Variants in PCDHGA9 observed in about 807,000 individuals in gnomAD.
PCDHGA9 encodes protocadherin gamma-A9.
In PCDHGA9, 37 loss-of-function variants were observed where a neutral mutation model predicts 62.5. That is an observed-to-expected ratio of 0.59 (90% CI 0.46 to 0.78). The LOEUF (loss-of-function observed/expected upper bound fraction) is 0.78, where lower values mean the gene tolerates loss of function less well. PCDHGA9 is among the 30% of genes least tolerant of loss of function. PCDHGA9 has a pLI of 0.00. For synonymous variants in PCDHGA9, 459 were observed against 484.6 expected, an observed-to-expected ratio of 0.95 and a Z score of 0.69; for missense variants, 1,138 against 1,166.2, an observed-to-expected ratio of 0.98 and a Z score of 0.35.
intron 2 of PCDHGA9, among the ~76,000 whole-genome samples, chr5:141,501,838 G>C (rs888418141): frequency 6.6e-6 from 1 of 152,000 alleles, no homozygotes; most frequent in African/African-American, 2.4e-5. Flanking sequence ...CACCTGTTTG[G>C]CCCTCAACCT....
At chr5:141,449,000 T>G (rs1424736421) in intron 1 of PCDHGA9, among the ~76,000 whole-genome samples, 1 of 151,774 alleles carries the variant, frequency 6.6e-6, no homozygotes, top group African/African-American at 2.4e-5. Context: ...TAGAAAGCTG[T>G]TTTTTTTAAC....
At chr5:141,450,445 T>C (rs1490338949) in intron 1 of PCDHGA9, among the ~76,000 whole-genome samples, 1 of 152,168 alleles carries the variant, frequency 6.6e-6, no homozygotes, top group East Asian at 1.9e-4. Context: ...ATTTGTTTTA[T>C]GTTTCCTCGT....
intron 1 of PCDHGA9, among the ~76,000 whole-genome samples, chr5:141,429,416 T>A (rs527999196): frequency 6.6e-6 from 1 of 152,230 alleles, no homozygotes; most frequent in Admixed American, 6.5e-5. Flanking sequence ...GGTCTCATTA[T>A]GTTGCCCAGG....
chr5:141,477,169 G>A lies in PCDHGA9; in HGVS notation c.2425-17638G>A. 6.2e-7 allele frequency: 1 copy of A among 1,614,198 alleles called. No individual in the cohort carries two copies. The highest frequency in any genetic ancestry group is 8.5e-7 in the Non-Finnish European group (1 of 1,180,042). The stretch of plus-strand genomic sequence containing the variant: ...TGGATGTGAATGACAACGCCCCGGA[G>A]ATCACAGTCACCTCCGTGTACAGCC... On this transcript the variant is annotated intron_variant, in intron 1 of 3. Transcript: ENST00000573521. The surrounding 1 kb of genome is among the most constrained non-coding windows in gnomAD (Gnocchi z 4.9).
intron 1 of PCDHGA9, 115 bp from the exon 2 acceptor site, chr5:141,494,692 C>G: frequency 6.3e-7 from 1 of 1,581,934 alleles, no homozygotes; most frequent in South Asian, 1.1e-5. Context: ...CCTCTTAGTC[C>G]GTTTTCTTCT....
chr5:141,415,823 G>T (rs529200891), intron 1 of PCDHGA9: 1 of 1,316,022 alleles, frequency 7.6e-7, no homozygotes, highest in East Asian at 2.8e-5. Context: ...ATATCATAAG[G>T]CTTTGTTATG....
At position 141,487,547 on chromosome 5, in the gene PCDHGA9, A is replaced by G. The variant is rs2099649592; in HGVS notation, c.2425-7260A>G. On this transcript the variant is annotated intron_variant, in intron 1 of 3. Coordinates refer to ENST00000573521, the MANE Select transcript of PCDHGA9 (RefSeq NM_018921.3). The surrounding 1 kb of genome is among the most constrained non-coding windows in gnomAD (Gnocchi z 5.0). ...TAGCTTCATGATGGTGAAGTCACCC[A>G]GTGCACCTATGGCAGGGGAGCCTGT... 2 of 1,614,216 alleles carry G rather than the reference A, an allele frequency of 1.2e-6. No individual in the cohort carries two copies. Among genetic ancestry groups the G allele is most frequent in the Non-Finnish European group, 8.5e-7 (1 of 1,180,046 alleles).
rs192747939 is a variant in PCDHGA9 at position 141,487,483 on chromosome 5, T to C, written c.2425-7324T>C. 12 of 1,614,224 alleles carry C rather than the reference T, an allele frequency of 7.4e-6. No individual in the cohort carries two copies. In the Admixed American group the frequency reaches 1.8e-4, roughly 25 times the overall value. On this transcript the variant is annotated intron_variant, in intron 1 of 3. Coordinates refer to ENST00000573521, the MANE Select transcript of PCDHGA9 (RefSeq NM_018921.3). This position sits in a 1 kb window ranked among gnomAD's most constrained non-coding sequence, Gnocchi z 5.0. ...TTGTTGATGTGGGAGGCCACTCTCA[T>C]GGCTGTACACCCTTGGCTTCTGCAC... is the stretch of plus-strand genomic sequence containing the variant.
Position 141,476,348 on chromosome 5 carries a change from G to C in PCDHGA9, c.2425-18459G>C, listed in dbSNP as rs764669470. Reference sequence around the variant, plus strand: ...GTCTGGAGCTAGCCGAAGATTCTTTGAGGTGAACCGGGAGACCGGAGAGAT... The same window carrying C: ...GTCTGGAGCTAGCCGAAGATTCTTTCAGGTGAACCGGGAGACCGGAGAGAT... On this transcript the variant is annotated intron_variant, in intron 1 of 3. Transcript: ENST00000573521. The surrounding 1 kb of genome is among the most constrained non-coding windows in gnomAD (Gnocchi z 7.6). 2 of 1,614,190 alleles carry C rather than the reference G, an allele frequency of 1.2e-6. No individual in the cohort carries two copies. The highest frequency in any genetic ancestry group is 2.2e-5 in the South Asian group (2 of 91,078).
intron 2 of PCDHGA9, among the ~76,000 whole-genome samples, chr5:141,505,119 G>A (rs371973470): frequency 3.1e-4 from 47 of 152,210 alleles, no homozygotes; most frequent in African/African-American, 1.0e-3. Flanking sequence ...CCAAGATCGC[G>A]CCACTGCACT....
intron 1 of PCDHGA9, among the ~76,000 whole-genome samples, chr5:141,451,329 A>G (rs991467686): frequency 2.6e-5 from 4 of 152,196 alleles, no homozygotes; most frequent in African/African-American, 9.6e-5. Context: ...ACCTAAGGCT[A>G]TTGTCTTATC....
chr5:141,472,254 T>C (rs1031738513), intron 1 of PCDHGA9, among the ~76,000 whole-genome samples: 1 of 152,074 alleles, frequency 6.6e-6, no homozygotes, highest in Admixed American at 6.6e-5. Context: ...TTTAAAGTTA[T>C]ATTATAGCCG....
intron 1 of PCDHGA9, among the ~76,000 whole-genome samples, chr5:141,443,082 C>A (rs958408385): frequency 6.6e-6 from 1 of 151,624 alleles, no homozygotes; most frequent in African/African-American, 2.4e-5. Flanking sequence ...ACTGAGTGTT[C>A]CAGTCTCCTT....
In PCDHGA9 at chr5:141,432,645, C is replaced by A. The variant is rs758701539; in HGVS notation, c.2424+27269C>A. ...CTGCACACGGGCGAGGTGCGCACGG[C>A]GCGAGCCCTGCTGGACAGAGACGCG... On this transcript the variant is annotated intron_variant, in intron 1 of 3. Coordinates refer to ENST00000573521, the MANE Select transcript of PCDHGA9 (RefSeq NM_018921.3). This position sits in a 1 kb window ranked among gnomAD's most constrained non-coding sequence, Gnocchi z 6.0. The A allele has an allele frequency of 1.2e-5, 20 of 1,613,628 alleles. No individual in the cohort carries two copies. The highest frequency in any genetic ancestry group is 1.6e-4 in the Middle Eastern group (1 of 6,066).
chr5:141,491,168 A>G lies in PCDHGA9; in HGVS notation c.2425-3639A>G. On this transcript the variant is annotated intron_variant, in intron 1 of 3. Coordinates refer to ENST00000573521, the MANE Select transcript of PCDHGA9 (RefSeq NM_018921.3). The surrounding 1 kb of genome is among the most constrained non-coding windows in gnomAD (Gnocchi z 6.9). Reference sequence around the variant, plus strand: ...CTGGAGGATGACTCTGACACCCAGCAGGTGGTGGTCCTGGTGAGGGACAAT... The same window carrying G: ...CTGGAGGATGACTCTGACACCCAGCGGGTGGTGGTCCTGGTGAGGGACAAT... 2 of 1,614,160 alleles carry G rather than the reference A, an allele frequency of 1.2e-6. No homozygotes were observed.
intron 1 of PCDHGA9, among the ~76,000 whole-genome samples, chr5:141,467,882 C>T (rs1278937609): frequency 6.6e-6 from 1 of 152,036 alleles, no homozygotes; most frequent in East Asian, 1.9e-4. Context: ...TGGTCTCAAA[C>T]TCCTGAGCTC....
chr5:141,451,536 G>A (rs1183287437), intron 1 of PCDHGA9, among the ~76,000 whole-genome samples: 1 of 152,202 alleles, frequency 6.6e-6, no homozygotes, highest in Non-Finnish European at 1.5e-5. Context: ...GAGAGTGCCA[G>A]AGAGGGCAAA....
At chr5:141,409,069 A>G (rs886525915) in intron 1 of PCDHGA9, 5 of 1,614,008 alleles carry the variant, frequency 3.1e-6, no homozygotes, top group Non-Finnish European at 4.2e-6. Context: ...AGAGCACAAA[A>G]CATATGTTCT....
rs200580042 is a variant in PCDHGA9 at position 141,486,553 on chromosome 5, T to C, written c.2425-8254T>C. 5.4e-5 allele frequency: 87 copies of C among 1,614,028 alleles called. No individual in the cohort carries two copies. The highest frequency in any genetic ancestry group is 7.2e-5 in the Non-Finnish European group (85 of 1,180,046). On this transcript the variant is annotated intron_variant, in intron 1 of 3. Coordinates refer to ENST00000573521, the MANE Select transcript of PCDHGA9 (RefSeq NM_018921.3). The surrounding 1 kb of genome is among the most constrained non-coding windows in gnomAD (Gnocchi z 5.0). ...CACCCTCTTTCTTTCAGAGGTCACA[T>C]GAGGTGTTTGTTCCTGAGAACAATC...
Sources: gnomAD v4.1 joint callset for allele counts (sites outside exome capture counted in the v4.1 genomes callset) on GRCh38, gnomAD v4.1.1 for gene constraint, Gnocchi (gnomAD v3.1) non-coding constraint, MANE v1.5 for transcripts, NCBI Gene and HGNC (gene_info 2026-07-23, HGNC 2026-07-21) for gene names.